EEFSEC: variants seen among roughly 807,000 people sequenced by gnomAD.
EEFSEC encodes selenocysteine-specific elongation factor.
In EEFSEC, 43 loss-of-function variants were observed where a neutral mutation model predicts 42.1. The ratio of observed to expected loss-of-function variants is 1.02; its 90% CI spans 0.80 to 1.32. The LOEUF (loss-of-function observed/expected upper bound fraction) is 1.32. EEFSEC is among the 40% of genes most tolerant of loss of function. EEFSEC has a pLI of 0.00. For synonymous variants in EEFSEC, 354 were observed against 339.1 expected, an observed-to-expected ratio of 1.04 and a Z score of -0.48; for missense variants, 745 against 803.6, an observed-to-expected ratio of 0.93 and a Z score of 0.88.
the EEFSEC span, among the ~76,000 whole-genome samples, chr3:128,420,853 GC>G: frequency 1.3e-5 from 2 of 152,136 alleles, no homozygotes; most frequent in Admixed American, 1.3e-4. Context: ...GCCCCACTGT[GC>G]CCCCTCCTCT....
At chr3:128,195,113 T>C (rs2107808706) in intron 1 of EEFSEC, among the ~76,000 whole-genome samples, 1 of 152,188 alleles carries the variant, frequency 6.6e-6, no homozygotes, top group Admixed American at 6.5e-5. Flanking sequence ...TTTTACACGA[T>C]CTTCGCCTAA....
At chr3:128,361,725 A>G (rs1031713031) in intron 6 of EEFSEC, among the ~76,000 whole-genome samples, 3 of 152,196 alleles carry the variant, frequency 2.0e-5, no homozygotes, top group Non-Finnish European at 2.9e-5. Flanking sequence ...CAAGGTTGGA[A>G]AGCCCCGTAT....
At chr3:128,154,058 TAAAAA>T (rs376181797) in intron 1 of EEFSEC, 18 of 289,354 alleles carry the variant, frequency 6.2e-5, no homozygotes, top group South Asian at 8.2e-5. Flanking sequence ...GCGCCTTCCT[TAAAAA>T]AAAAAAAAAA....
At chr3:128,223,480 G>A (rs1280294011) in intron 1 of EEFSEC, among the ~76,000 whole-genome samples, 1 of 152,178 alleles carries the variant, frequency 6.6e-6, no homozygotes, top group Non-Finnish European at 1.5e-5. Context: ...TCTTGCTGGG[G>A]ACTGTACCCT....
intron 6 of EEFSEC, among the ~76,000 whole-genome samples, chr3:128,397,706 T>G (rs2067997770): frequency 6.6e-6 from 1 of 152,262 alleles, no homozygotes; most frequent in Admixed American, 6.5e-5. Context: ...CTGAAGCAGC[T>G]CAGCTCTGGC....
At chr3:128,254,426 A>C (rs2066221255) in intron 2 of EEFSEC, among the ~76,000 whole-genome samples, 1 of 152,132 alleles carries the variant, frequency 6.6e-6, no homozygotes, top group Non-Finnish European at 1.5e-5. Flanking sequence ...TACACATGTT[A>C]ACCGATTCAG....
At chr3:128,379,045 C>T (rs2107612294) in intron 6 of EEFSEC, among the ~76,000 whole-genome samples, 1 of 152,294 alleles carries the variant, frequency 6.6e-6, no homozygotes, top group Admixed American at 6.5e-5. Flanking sequence ...GAAAACAAAC[C>T]ATCCATCTTT....
the EEFSEC span, among the ~76,000 whole-genome samples, chr3:128,415,833 G>GGA: frequency 6.6e-6 from 1 of 152,186 alleles, no homozygotes; most frequent in Non-Finnish European, 1.5e-5. Flanking sequence ...AGCGGTTTTG[G>GGA]GACCCCTGCT....
chr3:128,322,323 C>T (rs562525882), intron 4 of EEFSEC, among the ~76,000 whole-genome samples: 1 of 152,338 alleles, frequency 6.6e-6, no homozygotes, highest in South Asian at 2.1e-4. Flanking sequence ...GGACCGTGTC[C>T]CTACCTGGGA....
chr3:128,385,719 G>A (rs6806480), intron 6 of EEFSEC, among the ~76,000 whole-genome samples: 17,603 of 152,258 alleles, frequency 0.12, 2,534 homozygotes, highest in African/African-American at 0.34. Context: ...GGCCTCACCC[G>A]GACTCACGAT....
rs1206910452 is a variant in EEFSEC at position 128,317,990 on chromosome 3, CCAGG to C, written c.787-23239_787-23236del. 6.6e-6 allele frequency among the ~76,000 whole-genome samples: 1 copy of C among 152,204 alleles called. No individual in the cohort carries two copies. The highest frequency in any genetic ancestry group is 1.5e-5 in the Non-Finnish European group (1 of 68,038). ...ACTGGTTGTTAGGTGACTGTGCACTCCAGGCAGAGGCAGGATGGAGTTGTGCCTG... is the reference window on the plus strand; with the variant it reads ...ACTGGTTGTTAGGTGACTGTGCACTCCAGAGGCAGGATGGAGTTGTGCCTG... On this transcript the variant is annotated intron_variant, in intron 4 of 6. Transcript: ENST00000254730. The surrounding 1 kb of genome is among the most constrained non-coding windows in gnomAD (Gnocchi z 4.1).
intron 4 of EEFSEC, among the ~76,000 whole-genome samples, chr3:128,324,957 A>T (rs1229501946): frequency 6.6e-6 from 1 of 152,242 alleles, no homozygotes. Context: ...TCTCCGTCCC[A>T]GACAGACTGT....
At chr3:128,332,870 T>C (rs2067149082) in intron 4 of EEFSEC, among the ~76,000 whole-genome samples, 1 of 152,234 alleles carries the variant, frequency 6.6e-6, no homozygotes, top group Admixed American at 6.5e-5. Flanking sequence ...GTACCCAGCC[T>C]AGGTCGAAGA....
chr3:128,218,157 A>G (rs1323154969), intron 1 of EEFSEC, among the ~76,000 whole-genome samples: 5 of 152,120 alleles, frequency 3.3e-5, no homozygotes, highest in African/African-American at 1.2e-4. Flanking sequence ...AAAGGGTTAT[A>G]CTCTTTGTGA....
At chr3:128,226,332 CAT>C (rs1190344497) in intron 1 of EEFSEC, among the ~76,000 whole-genome samples, 2 of 152,222 alleles carry the variant, frequency 1.3e-5, no homozygotes, top group African/African-American at 4.8e-5. Flanking sequence ...GGGTGGGCCA[CAT>C]GTGCTCTTGA....
intron 1 of EEFSEC, among the ~76,000 whole-genome samples, chr3:128,168,176 G>A (rs1390200523): frequency 6.6e-6 from 1 of 152,204 alleles, no homozygotes; most frequent in African/African-American, 2.4e-5. Context: ...ATGCAAGCCT[G>A]TGGCTGATGC....
intron 4 of EEFSEC, among the ~76,000 whole-genome samples, chr3:128,338,550 G>A (rs1457502298): frequency 2.0e-5 from 3 of 152,160 alleles, no homozygotes; most frequent in African/African-American, 2.4e-5. Context: ...GGTTAGGGAC[G>A]AATGGGAATT....
chr3:128,155,801 C>A (rs1944371365), intron 1 of EEFSEC, among the ~76,000 whole-genome samples: 1 of 152,200 alleles, frequency 6.6e-6, no homozygotes, highest in African/African-American at 2.4e-5. Flanking sequence ...ATGTTACAGG[C>A]AGTCTGAGAT....
chr3:128,153,736 G>T lies in EEFSEC; in HGVS notation c.229G>T (p.Ala77Ser). 1 of 1,545,944 alleles carries T rather than the reference G, an allele frequency of 6.5e-7. No individual in the cohort carries two copies. The highest frequency in any genetic ancestry group is 8.7e-7 in the Non-Finnish European group (1 of 1,155,750). The part of the protein sequence containing the change: ...SLPEFQAAPE[A>S]EPEPGEPLLQ... ...GCCCGAGTTCCAGGCAGCGCCCGAG[G>T]CCGAGCCCGAGCCCGGCGAGCCACT... Residue 77 changes from alanine (A) to serine (S), a missense_variant, in exon 1 of 7, where the codon GCC (alanine) becomes TCC (serine). Ala to Ser is a moderately conservative substitution (Grantham distance 99, BLOSUM62 1). Coordinates refer to ENST00000254730, the MANE Select transcript of EEFSEC (RefSeq NM_021937.5).
Sources: allele counts gnomAD v4.1 joint callset (sites outside exome capture counted in the v4.1 genomes callset), GRCh38; gene constraint gnomAD v4.1.1; non-coding constraint Gnocchi (gnomAD v3.1); transcripts MANE v1.5; gene names NCBI Gene and HGNC (gene_info 2026-07-23, HGNC 2026-07-21).